Variants in ETV7 observed in about 807,000 individuals in gnomAD.
ETV7 encodes ETS variant transcription factor 7, also known as transcription factor ETV7.
A neutral mutation model predicts 39.1 loss-of-function variants in ETV7; 43 were observed. That is an observed-to-expected ratio of 1.10 (90% CI 0.86 to 1.42). The LOEUF (loss-of-function observed/expected upper bound fraction) is 1.42, where lower values mean the gene tolerates loss of function less well. ETV7 is among the 40% of genes most tolerant of loss of function. The pLI is 0.00. For synonymous variants in ETV7, 196 were observed against 176.6 expected, an observed-to-expected ratio of 1.11 and a Z score of -0.87; for missense variants, 432 against 442.3, an observed-to-expected ratio of 0.98 and a Z score of 0.21.
At chr6:36,362,808 TGA>T (rs1772545841), downstream of ETV7, among the ~76,000 whole-genome samples, 1 of 152,144 alleles carries the variant, frequency 6.6e-6, no homozygotes, top group African/African-American at 2.4e-5. Flanking sequence ...CAGTGCTGGG[TGA>T]GATTCATTGC....
intron 2 of ETV7, among the ~76,000 whole-genome samples, chr6:36,384,269 C>A (rs896064008): frequency 6.6e-6 from 1 of 152,116 alleles, no homozygotes; most frequent in Non-Finnish European, 1.5e-5. Context: ...AAATAGGCCA[C>A]GGTGACCTGC....
intron 3 of ETV7, among the ~76,000 whole-genome samples, chr6:36,375,623 C>T (rs140036213): frequency 3.5e-4 from 54 of 152,224 alleles, no homozygotes; most frequent in South Asian, 8.3e-4. Flanking sequence ...GAAGAGAAAG[C>T]GAGAGAGCAG....
chr6:36,368,959 A>G lies in ETV7; in HGVS notation c.777T>C (p.Asn259=), dbSNP rs1179677722. The G allele has an allele frequency of 6.2e-7, 1 of 1,614,112 alleles. No homozygotes were observed. The highest frequency in any genetic ancestry group is 8.5e-7 in the Non-Finnish European group (1 of 1,180,022). The change falls in exon 6 of 8, where the codon AAT becomes AAC. Residue 259 remains asparagine (N), a synonymous_variant. Coordinates refer to ENST00000340181, the MANE Select transcript of ETV7 (RefSeq NM_016135.4). ...GATTTCCCCAGAGTCTGGCGAGCCCATTTGGATCCACAACTCGGAAGATCT... is the reference window on the plus strand; with the variant it reads ...GATTTCCCCAGAGTCTGGCGAGCCCGTTTGGATCCACAACTCGGAAGATCT... ...DAKIFRVVDP[N]GLARLWGNHK...
At chr6:36,376,651 C>CT (rs1268150905) in intron 2 of ETV7, among the ~76,000 whole-genome samples, 2 of 152,096 alleles carry the variant, frequency 1.3e-5, no homozygotes, top group East Asian at 3.9e-4. Flanking sequence ...TGGCATGCAC[C>CT]TGTAGTCCCA....
chr6:36,373,676 G>A (rs1354677466), intron 3 of ETV7, 98 bp from the exon 4 acceptor site: 7 of 1,371,538 alleles, frequency 5.1e-6, no homozygotes, highest in Admixed American at 6.9e-5. Context: ...GCAAGGGCTG[G>A]CATGTCTTGT....
chr6:36,362,050 G>A (rs562397691), downstream of ETV7, among the ~76,000 whole-genome samples: 3 of 152,272 alleles, frequency 2.0e-5, no homozygotes, highest in South Asian at 2.1e-4. Flanking sequence ...TGTAATCCCA[G>A]CACTTTGGGA....
At chr6:36,386,088 G>A (rs1048974157) in intron 1 of ETV7, among the ~76,000 whole-genome samples, 1 of 152,216 alleles carries the variant, frequency 6.6e-6, no homozygotes, top group African/African-American at 2.4e-5. Flanking sequence ...AACACTTTGG[G>A]AGTCTGGGGC....
At position 36,368,919 on chromosome 6, in the gene ETV7, C is replaced by T. The variant is rs765740018; in HGVS notation, c.807+10G>A. The T allele has an allele frequency of 7.4e-6, 12 of 1,613,962 alleles. No individual in the cohort carries two copies. Among genetic ancestry groups the T allele is most frequent in the East Asian group, 4.5e-5 (2 of 44,894 alleles). Reference sequence around the variant, plus strand: ...GTTATGTTGAGACCATTCTGCTGGCCGAGGCTCACCTTGTGATTTCCCCAG... The same window carrying T: ...GTTATGTTGAGACCATTCTGCTGGCTGAGGCTCACCTTGTGATTTCCCCAG... On this transcript the variant is annotated intron_variant, in intron 6 of 7. Coordinates refer to ENST00000340181, the MANE Select transcript of ETV7 (RefSeq NM_016135.4).
At position 36,366,947 on chromosome 6, in the gene ETV7, A is replaced by G; in HGVS notation, c.836T>C (p.Met279Thr). Residue 279 changes from methionine (M) to threonine (T), a missense_variant, in exon 7 of 8, where the codon ATG (methionine) becomes ACG (threonine). Met to Thr is a moderately conservative substitution (Grantham distance 81, BLOSUM62 -1). Transcript: ENST00000340181. Reference sequence around the variant, plus strand: ...ATAATAGTGGCGCAGGGCACGAGACATCTTCTCGTAGGTCATGTTCACCCG... The same window carrying G: ...ATAATAGTGGCGCAGGGCACGAGACGTCTTCTCGTAGGTCATGTTCACCCG... ...KNRVNMTYEK[M>T]SRALRHYYKL... 6.2e-7 allele frequency: 1 copy of G among 1,613,860 alleles called. No individual in the cohort carries two copies. Among genetic ancestry groups the G allele is most frequent in the Non-Finnish European group, 8.5e-7 (1 of 1,179,980 alleles).
intron 7 of ETV7, among the ~76,000 whole-genome samples, chr6:36,356,928 T>C (rs191870677): frequency 6.6e-6 from 1 of 152,232 alleles, no homozygotes; most frequent in East Asian, 1.9e-4. Context: ...CGTGAAAACA[T>C]CATCACAGGT....
chr6:36,381,907 G>A (rs1055587753), intron 2 of ETV7, among the ~76,000 whole-genome samples: 4 of 152,180 alleles, frequency 2.6e-5, no homozygotes, highest in African/African-American at 9.7e-5. Flanking sequence ...TGCATTTAGG[G>A]AGGGGAGAGG....
At chr6:36,355,862 A>T (rs1215032104) in intron 7 of ETV7, among the ~76,000 whole-genome samples, 1 of 152,214 alleles carries the variant, frequency 6.6e-6, no homozygotes, top group Non-Finnish European at 1.5e-5. Context: ...CCTGAGCTCC[A>T]AGGCAGTCAT....
chr6:36,375,998 C>T lies in ETV7; in HGVS notation c.180G>A (p.Leu60=). 6.2e-7 allele frequency: 1 copy of T among 1,610,028 alleles called. No individual in the cohort carries two copies. The highest frequency in any genetic ancestry group is 8.5e-7 in the Non-Finnish European group (1 of 1,179,904). Residue 60 remains leucine (L), a synonymous_variant, in exon 3 of 8, where the codon CTG becomes CTA. Coordinates refer to ENST00000340181, the MANE Select transcript of ETV7 (RefSeq NM_016135.4). The part of the protein sequence containing the change: ...QPALWSREDV[L]HWLRWAEQEY... ...CCTGCTCTGCCCAGCGCAGCCAGTG[C>T]AGCACGTCCTCCCTGCTCCACAGTG...
At chr6:36,375,346 C>T (rs1015945379) in intron 3 of ETV7, among the ~76,000 whole-genome samples, 2 of 152,114 alleles carry the variant, frequency 1.3e-5, no homozygotes, top group Non-Finnish European at 2.9e-5. Context: ...CACTGGCCAC[C>T]CTCCCTCCCA....
intron 4 of ETV7, among the ~76,000 whole-genome samples, chr6:36,372,789 G>A (rs565121743): frequency 6.8e-6 from 1 of 146,630 alleles, no homozygotes; most frequent in Non-Finnish European, 1.5e-5. Context: ...GGAGGGGTGG[G>A]GCAGGCAGCG....
chr6:36,362,675 C>G (rs1420823146), downstream of ETV7, among the ~76,000 whole-genome samples: 1 of 152,196 alleles, frequency 6.6e-6, no homozygotes, highest in Non-Finnish European at 1.5e-5. Flanking sequence ...ACGGCCTGAT[C>G]TCCCTGGGGA....
intron 1 of ETV7, among the ~76,000 whole-genome samples, chr6:36,386,375 T>A (rs915751324): frequency 3.9e-5 from 6 of 152,126 alleles, no homozygotes; most frequent in Non-Finnish European, 7.4e-5. Context: ...AGGATAAGGA[T>A]ACATTTCTGA....
chr6:36,383,156 C>T (rs10947604), intron 2 of ETV7, among the ~76,000 whole-genome samples: 44,422 of 151,978 alleles, frequency 0.29, 6,574 homozygotes, highest in East Asian at 0.39. Flanking sequence ...CCTGCAGCTG[C>T]GTCCCCCCAT....
intron 4 of ETV7, among the ~76,000 whole-genome samples, chr6:36,371,883 A>G (rs139296897): frequency 6.6e-6 from 1 of 152,344 alleles, no homozygotes; most frequent in African/African-American, 2.4e-5. Flanking sequence ...CATTTGCCCA[A>G]CGAGTATTTA....
Sources: allele counts gnomAD v4.1 joint callset (sites outside exome capture counted in the v4.1 genomes callset), GRCh38; gene constraint gnomAD v4.1.1; transcripts MANE v1.5; gene names NCBI Gene and HGNC (gene_info 2026-07-23, HGNC 2026-07-21).